Variants in EVA1A observed in about 807,000 individuals in gnomAD.
EVA1A encodes eva-1 homolog A, regulator of programmed cell death.
In EVA1A, 7 loss-of-function variants were observed where a neutral mutation model predicts 9.8. That is an observed-to-expected ratio of 0.71 (90% confidence interval 0.41 to 1.34). The LOEUF is 1.34. Ranked by LOEUF, EVA1A falls within the 40% of genes most tolerant of loss-of-function variation. EVA1A has a pLI of 0.01. For synonymous variants in EVA1A, 90 were observed against 85.6 expected, an observed-to-expected ratio of 1.05 and a Z score of -0.28; for missense variants, 206 against 205.9, an observed-to-expected ratio of 1.00 and a Z score of 0.00.
intron 3 of EVA1A, among the ~76,000 whole-genome samples, chr2:75,502,159 A>G (rs75274519): frequency 0.021 from 3,224 of 152,344 alleles, 100 homozygotes; most frequent in African/African-American, 0.066. Context: ...TTAGTAGGTT[A>G]GAAATAAATT....
chr2:75,542,776 T>C (rs1203430634), intron 1 of EVA1A: 1 of 152,180 alleles, frequency 6.6e-6, no homozygotes, highest in East Asian at 1.9e-4. Context: ...ATGGAGAAGA[T>C]GTAGGGAGAC....
In EVA1A at chr2:75,566,585, C is replaced by G. The variant is rs1677033026; in HGVS notation, c.-192+2891G>C. 1.3e-5 allele frequency among the ~76,000 whole-genome samples: 2 copies of G among 152,138 alleles called. 1 individual carries two copies. The highest frequency in any genetic ancestry group is 4.1e-4 in the South Asian group (2 of 4,830). On this transcript the variant is annotated intron_variant, in intron 1 of 3. Transcript: ENST00000233712. ...GAGTAAAAAGCAGCAATTAAGTATC[C>G]TCTTTATCTGTTCTATTGTGGAGTG...
intron 3 of EVA1A, among the ~76,000 whole-genome samples, chr2:75,513,054 CT>C (rs1025682215): frequency 6.6e-6 from 1 of 152,094 alleles, no homozygotes; most frequent in African/African-American, 2.4e-5. Flanking sequence ...CTTTTTTGAT[CT>C]TGAATCAGCC....
At chr2:75,552,446 C>T (rs569968602) in intron 1 of EVA1A, among the ~76,000 whole-genome samples, 1 of 152,182 alleles carries the variant, frequency 6.6e-6, no homozygotes, top group South Asian at 2.1e-4. Flanking sequence ...GACTCCTGCC[C>T]CTCCCTTACT....
chr2:75,560,174 G>GCA (rs1189538248), intron 1 of EVA1A, among the ~76,000 whole-genome samples: 2 of 152,112 alleles, frequency 1.3e-5, no homozygotes, highest in East Asian at 3.9e-4. Context: ...ACTCCCTGAT[G>GCA]CACTCGGCTT....
chr2:75,553,212 A>T (rs890106693), intron 1 of EVA1A, among the ~76,000 whole-genome samples: 1 of 152,086 alleles, frequency 6.6e-6, no homozygotes, highest in East Asian at 1.9e-4. Context: ...TCTTTGATGC[A>T]TGTTGTCTTG....
chr2:75,536,928 A>C (rs1187375286), intron 1 of EVA1A, among the ~76,000 whole-genome samples: 3 of 152,216 alleles, frequency 2.0e-5, no homozygotes, highest in Non-Finnish European at 4.4e-5. Flanking sequence ...AGAAAATCAG[A>C]GAAGAGGGGA....
intron 1 of EVA1A, among the ~76,000 whole-genome samples, chr2:75,548,503 G>T (rs540593914): frequency 6.6e-6 from 1 of 152,012 alleles, no homozygotes; most frequent in African/African-American, 2.4e-5. Context: ...CAAACACCAC[G>T]TGTTGCCTCC....
At chr2:75,551,696 C>T (rs904809671) in intron 1 of EVA1A, among the ~76,000 whole-genome samples, 1 of 152,216 alleles carries the variant, frequency 6.6e-6, no homozygotes, top group African/African-American at 2.4e-5. Flanking sequence ...CCTAGGTTTA[C>T]TCAGCTGTAA....
intron 1 of EVA1A, among the ~76,000 whole-genome samples, chr2:75,529,516 T>A (rs1433327707): frequency 6.6e-6 from 1 of 152,204 alleles, no homozygotes; most frequent in African/African-American, 2.4e-5. Flanking sequence ...AAGTCTCAAT[T>A]AATTTAAGAA....
At chr2:75,502,147 T>C (rs547315865) in intron 3 of EVA1A, among the ~76,000 whole-genome samples, 4 of 152,308 alleles carry the variant, frequency 2.6e-5, no homozygotes, top group Admixed American at 2.0e-4. Context: ...AACCAATCCA[T>C]GTTAGTAGGT....
chr2:75,541,169 C>A (rs1426397309), intron 1 of EVA1A, among the ~76,000 whole-genome samples: 1 of 152,206 alleles, frequency 6.6e-6, no homozygotes, highest in Non-Finnish European at 1.5e-5. Context: ...AGAGCTGAGC[C>A]AACCTGCAGA....
At chr2:75,536,286 G>C (rs1384942121) in intron 1 of EVA1A, among the ~76,000 whole-genome samples, 1 of 152,100 alleles carries the variant, frequency 6.6e-6, no homozygotes, top group African/African-American at 2.4e-5. Context: ...AATGAGCTGA[G>C]AGCACGCCAC....
upstream of EVA1A, among the ~76,000 whole-genome samples, chr2:75,563,818 C>A (rs1676969188): frequency 6.6e-6 from 1 of 152,174 alleles, no homozygotes; most frequent in East Asian, 1.9e-4. Flanking sequence ...TTCCTACCCA[C>A]AAAATAAGTT....
chr2:75,501,690 T>C (rs974797035), intron 3 of EVA1A, among the ~76,000 whole-genome samples: 2 of 152,196 alleles, frequency 1.3e-5, no homozygotes, highest in African/African-American at 4.8e-5. Context: ...GGCCCACTTC[T>C]GCTATAATGC....
intron 3 of EVA1A, among the ~76,000 whole-genome samples, chr2:75,495,749 T>C (rs1405256333): frequency 6.6e-6 from 1 of 152,162 alleles, no homozygotes; most frequent in African/African-American, 2.4e-5. Flanking sequence ...AAACCACCTG[T>C]ACCCCCAAAA....
At chr2:75,507,808 A>G (rs987966330) in intron 3 of EVA1A, among the ~76,000 whole-genome samples, 8 of 152,150 alleles carry the variant, frequency 5.3e-5, no homozygotes, top group African/African-American at 1.9e-4. Context: ...TGCTGATCAG[A>G]GCCTCACACC....
intron 1 of EVA1A, among the ~76,000 whole-genome samples, chr2:75,551,159 A>T (rs1422969484): frequency 6.6e-6 from 1 of 152,116 alleles, no homozygotes; most frequent in Non-Finnish European, 1.5e-5. Flanking sequence ...ACCAAAAAAA[A>T]CGTGCTGGTC....
rs565742099 is a variant in EVA1A, at chr2:75,532,151, C to A, written c.-191-9664G>T. On this transcript the variant is annotated intron_variant, in intron 1 of 3. Coordinates refer to ENST00000393913, the MANE Select transcript of EVA1A (RefSeq NM_001135032.2). ...CTCCAGCCTGGGTGACAGAGTGAGA[C>A]TCTGTCTCAAAAAAAAAAAAAAAAA... Among the ~76,000 whole-genome samples the A allele has an allele frequency of 7.5e-5, 7 of 93,888 alleles. 1 individual carries two copies. In the East Asian group the frequency reaches 2.4e-3, roughly 33 times the overall value. 61.6% of individuals were successfully genotyped at this position (93,888 alleles called of 152,430 possible).
Sources: allele counts gnomAD v4.1 joint callset (sites outside exome capture counted in the v4.1 genomes callset), GRCh38; gene constraint gnomAD v4.1.1; transcripts MANE v1.5; gene names NCBI Gene and HGNC (gene_info 2026-07-23, HGNC 2026-07-21).